The following WDR70 variants were observed in gnomAD, a reference collection of about 807,000 sequenced individuals.
The protein encoded by WDR70 is WD repeat-containing protein 70.
A neutral mutation model predicts 88.6 loss-of-function variants in WDR70; 53 were observed. That is an observed-to-expected ratio of 0.60 (90% CI 0.48 to 0.75). The LOEUF is 0.75. WDR70 is among the 30% of genes least tolerant of loss of function. The pLI is 0.00. For missense variants in WDR70, 610 were observed against 823.2 expected (o/e 0.74, Z 3.17); for synonymous variants, 280 against 270.0 (o/e 1.04, Z -0.36).
intron 7 of WDR70, among the ~76,000 whole-genome samples, chr5:37,468,034 A>G (rs1048809944): frequency 1.3e-5 from 2 of 152,002 alleles, no homozygotes; most frequent in Non-Finnish European, 2.9e-5. Flanking sequence ...TATTTTTAGT[A>G]GAGACGGGGT....
At chr5:37,391,895 A>T (rs556270881) in intron 3 of WDR70, 105 bp from the exon 4 acceptor site, 724 of 1,288,216 alleles carry the variant, frequency 5.6e-4, no homozygotes, top group Non-Finnish European at 6.8e-4. Flanking sequence ...TAACACTCTA[A>T]GTTATATCTT....
chr5:37,398,606 A>G (rs1229543383), intron 5 of WDR70, among the ~76,000 whole-genome samples: 1 of 152,186 alleles, frequency 6.6e-6, no homozygotes, highest in Non-Finnish European at 1.5e-5. Flanking sequence ...TAAAGCTTCT[A>G]ATTTCAATTT....
At chr5:37,542,969 G>A (rs1020327728) in intron 9 of WDR70, among the ~76,000 whole-genome samples, 2 of 152,220 alleles carry the variant, frequency 1.3e-5, no homozygotes, top group Non-Finnish European at 2.9e-5. Flanking sequence ...AGTGGCAGAA[G>A]TTATGGTGTG....
At chr5:37,675,816 A>T in intron 10 of WDR70, among the ~76,000 whole-genome samples, 1 of 151,986 alleles carries the variant, frequency 6.6e-6, no homozygotes, top group Admixed American at 6.6e-5. Context: ...TCTATAAATT[A>T]CCTTGGGCAG....
chr5:37,416,502 A>AGAGAGGGAGAGGGAGATCGTGGG (rs1462058800), intron 5 of WDR70, among the ~76,000 whole-genome samples: 106 of 150,856 alleles, frequency 7.0e-4, no homozygotes, highest in African/African-American at 2.4e-3. Context: ...GATCGTGGAA[A>AGAGAGGGAGAGGGAGATCGTGGG]GAGAGGGAGA....
chr5:37,422,488 A>AT (rs1220229233), intron 5 of WDR70, among the ~76,000 whole-genome samples: 4 of 150,312 alleles, frequency 2.7e-5, no homozygotes, highest in Non-Finnish European at 5.9e-5. Flanking sequence ...TTATTTATAT[A>AT]TATTTTTTAG....
chr5:37,614,636 CT>C (rs1744280288), intron 10 of WDR70, among the ~76,000 whole-genome samples: 1 of 152,168 alleles, frequency 6.6e-6, no homozygotes, highest in African/African-American at 2.4e-5. Context: ...TCTGTGACTG[CT>C]TTTGTATCAT....
chr5:37,467,625 C>T (rs1739197314), intron 7 of WDR70, among the ~76,000 whole-genome samples: 1 of 151,876 alleles, frequency 6.6e-6, no homozygotes, highest in Non-Finnish European at 1.5e-5. Context: ...CAAGCTCTGC[C>T]TCCTGGGTTC....
chr5:37,719,017 A>G (rs11954254), intron 13 of WDR70, among the ~76,000 whole-genome samples: 31,113 of 152,166 alleles, frequency 0.2, 4,200 homozygotes, highest in Non-Finnish European at 0.3. Flanking sequence ...TTAGATAGCA[A>G]TGACATTTAA....
intron 17 of WDR70, among the ~76,000 whole-genome samples, chr5:37,731,299 G>A (rs1420457587): frequency 2.0e-5 from 3 of 152,150 alleles, no homozygotes; most frequent in African/African-American, 7.2e-5. Context: ...TGTGTCCTCT[G>A]CTGTTTGTAC....
intron 8 of WDR70, among the ~76,000 whole-genome samples, chr5:37,495,919 C>T (rs1044016031): frequency 6.6e-6 from 1 of 152,206 alleles, no homozygotes; most frequent in Non-Finnish European, 1.5e-5. Context: ...AAACAACATT[C>T]ACAGTCTTGT....
chr5:37,551,699 G>T (rs1368750314), intron 9 of WDR70, among the ~76,000 whole-genome samples: 2 of 148,526 alleles, frequency 1.3e-5, no homozygotes, highest in African/African-American at 2.5e-5. Flanking sequence ...TTGCACTCCA[G>T]CCTGGGTGAG....
At position 37,529,492 on chromosome 5, in the gene WDR70, T is replaced by G. The variant is rs564644921; in HGVS notation, c.917+12902T>G. Among the ~76,000 whole-genome samples, 4 of 152,284 alleles carry G rather than the reference T, an allele frequency of 2.6e-5. No individual in the cohort carries two copies. In the South Asian group the frequency reaches 8.3e-4, roughly 32 times the overall value. On this transcript the variant is annotated intron_variant, in intron 9 of 17. Coordinates refer to ENST00000265107, the MANE Select transcript of WDR70 (RefSeq NM_018034.4). The stretch of plus-strand genomic sequence containing the variant: ...TCAATTTGTTTGTGTCATCTAAGAT[T>G]TTTTCAGTAGTGTTTTGTAATTTTC...
chr5:37,487,504 T>C (rs573314404), intron 8 of WDR70, among the ~76,000 whole-genome samples: 1 of 150,352 alleles, frequency 6.7e-6, no homozygotes, highest in East Asian at 1.9e-4. Context: ...ATATACTTCA[T>C]ATGTAAGCAG....
intron 9 of WDR70, among the ~76,000 whole-genome samples, chr5:37,555,795 T>C (rs1303234910): frequency 1.3e-5 from 2 of 152,180 alleles, no homozygotes; most frequent in Non-Finnish European, 2.9e-5. Context: ...CTTGGCTCAC[T>C]GCAACCTCCA....
chr5:37,564,210 C>T (rs1289930550), intron 9 of WDR70, among the ~76,000 whole-genome samples: 3 of 151,716 alleles, frequency 2.0e-5, no homozygotes, highest in Non-Finnish European at 4.4e-5. Flanking sequence ...GCCGAGATCA[C>T]GCCACTGCAC....
intron 9 of WDR70, among the ~76,000 whole-genome samples, chr5:37,531,468 A>G (rs1435620558): frequency 6.6e-6 from 1 of 151,978 alleles, no homozygotes; most frequent in Non-Finnish European, 1.5e-5. Context: ...TGTTAGATAT[A>G]TGCATACATA....
intron 10 of WDR70, among the ~76,000 whole-genome samples, chr5:37,638,350 G>A (rs1054228644): frequency 4.6e-5 from 7 of 152,084 alleles, no homozygotes; most frequent in African/African-American, 9.7e-5. Context: ...TGTGGACTTC[G>A]GAAGTATGCC....
At chr5:37,383,248 GA>G (rs1748489243) in intron 3 of WDR70, among the ~76,000 whole-genome samples, 1 of 151,690 alleles carries the variant, frequency 6.6e-6, no homozygotes, top group Non-Finnish European at 1.5e-5. Flanking sequence ...ACTATTTTTT[GA>G]AAAAAACCTT....
Sources: gnomAD v4.1 joint callset for allele counts (sites outside exome capture counted in the v4.1 genomes callset) on GRCh38, gnomAD v4.1.1 for gene constraint, MANE v1.5 for transcripts, NCBI Gene and HGNC (gene_info 2026-07-23, HGNC 2026-07-21) for gene names.